MAP2K5: variants seen among roughly 807,000 people sequenced by gnomAD.
MAP2K5 encodes the protein dual specificity mitogen-activated protein kinase kinase 5.
MAP2K5 carries 49 observed loss-of-function variants against 83.1 expected under a neutral mutation model. That is an observed-to-expected ratio of 0.59 (90% CI 0.47 to 0.75). The LOEUF (loss-of-function observed/expected upper bound fraction) is 0.75, where lower values mean the gene tolerates loss of function less well. Among genes scored for constraint, MAP2K5 ranks in the 30% least tolerant of loss-of-function variants. The pLI is 0.00. For synonymous variants in MAP2K5, 202 were observed against 191.8 expected (o/e 1.05, Z -0.44); for missense variants, 457 against 557.5 (o/e 0.82, Z 1.82).
rs1339096422 is a variant in MAP2K5 at position 67,768,591 on chromosome 15, T to C, written c.1135-1011T>C. Among the ~76,000 whole-genome samples, 2 of 152,228 alleles carry C rather than the reference T, an allele frequency of 1.3e-5. No homozygotes were observed. The highest frequency in any genetic ancestry group is 1.9e-4 in the East Asian group (1 of 5,200). ...CTTTGTTAATTTAAATAGGTGCATG[T>C]ATCATACTTTGCAGGGCACTTTGTG... On this transcript the variant is annotated intron_variant, in intron 19 of 21. Transcript: ENST00000178640. The surrounding 1 kb of genome is among the most constrained non-coding windows in gnomAD (Gnocchi z 4.0).
At chr15:67,694,381 C>A (rs987878821) in intron 15 of MAP2K5, among the ~76,000 whole-genome samples, 2 of 151,898 alleles carry the variant, frequency 1.3e-5, no homozygotes, top group African/African-American at 2.4e-5. Flanking sequence ...TCTCTAATAG[C>A]CTTTGTTAAT....
At chr15:67,672,279 A>G (rs1189241947) in intron 13 of MAP2K5, among the ~76,000 whole-genome samples, 17 of 151,638 alleles carry the variant, frequency 1.1e-4, no homozygotes, top group Non-Finnish European at 2.1e-4. Context: ...AGTCCCACCA[A>G]CAGTGTAAAA....
intron 21 of MAP2K5, among the ~76,000 whole-genome samples, chr15:67,800,978 A>G (rs1483977011): frequency 1.3e-5 from 2 of 152,186 alleles, no homozygotes; most frequent in African/African-American, 4.8e-5. Flanking sequence ...ACCATAGTTG[A>G]GTGTATGTTA....
intron 8 of MAP2K5, among the ~76,000 whole-genome samples, chr15:67,627,104 A>T (rs535389920): frequency 6.6e-6 from 1 of 152,022 alleles, no homozygotes; most frequent in Non-Finnish European, 1.5e-5. Flanking sequence ...ACGCACCACG[A>T]TGCCAGGTAA....
chr15:67,588,817 A>G (rs2085337390), intron 6 of MAP2K5, among the ~76,000 whole-genome samples: 1 of 151,776 alleles, frequency 6.6e-6, no homozygotes, highest in Non-Finnish European at 1.5e-5. Flanking sequence ...AAATGTTTTT[A>G]TTTTATTACT....
At chr15:67,605,001 A>G (rs1158461199) in intron 8 of MAP2K5, among the ~76,000 whole-genome samples, 2 of 152,144 alleles carry the variant, frequency 1.3e-5, no homozygotes, top group Non-Finnish European at 2.9e-5. Context: ...AGTACTAATA[A>G]TAGAAAAATT....
intron 1 of MAP2K5, among the ~76,000 whole-genome samples, chr15:67,547,077 AACACAC>A (rs59269114): frequency 6.0e-4 from 86 of 144,192 alleles, no homozygotes; most frequent in African/African-American, 1.9e-3. Flanking sequence ...AAAAGAAGAA[AACACAC>A]ACACACACAC....
At chr15:67,743,190 G>A (rs1394484032) in intron 17 of MAP2K5, among the ~76,000 whole-genome samples, 1 of 152,214 alleles carries the variant, frequency 6.6e-6, no homozygotes, top group African/African-American at 2.4e-5. Context: ...CAGCACCCCA[G>A]CTGGAGTCTG....
intron 17 of MAP2K5, among the ~76,000 whole-genome samples, chr15:67,731,496 C>T (rs74020414): frequency 0.036 from 5,518 of 152,138 alleles, 298 homozygotes; most frequent in African/African-American, 0.12. Context: ...CCTTGGCATG[C>T]AGTTTAGGGT....
chr15:67,626,708 G>C (rs2086332297), intron 8 of MAP2K5, among the ~76,000 whole-genome samples: 1 of 151,436 alleles, frequency 6.6e-6, no homozygotes, highest in African/African-American at 2.4e-5. Context: ...AGACCAACTT[G>C]GGCAACATGG....
intron 7 of MAP2K5, among the ~76,000 whole-genome samples, chr15:67,598,590 C>T (rs1179395676): frequency 2.0e-5 from 3 of 152,170 alleles, no homozygotes; most frequent in Non-Finnish European, 4.4e-5. Flanking sequence ...GGTTGGAGTG[C>T]TGGGAATGTG....
Position 67,724,398 on chromosome 15 carries a change from T to C in MAP2K5, c.1045-3518T>C, listed in dbSNP as rs563700913. ...GAGAACTCGTTCTTTTTTATTTATT[T>C]ATTTATTTATTTTTTGAGTTAGGGT... On this transcript the variant is annotated intron_variant, in intron 16 of 21. Transcript: ENST00000178640. This position sits in a 1 kb window ranked among gnomAD's most constrained non-coding sequence, Gnocchi z 4.4. 1.3e-5 allele frequency among the ~76,000 whole-genome samples: 2 copies of C among 152,164 alleles called. No homozygotes were observed. The highest frequency in any genetic ancestry group is 4.2e-4 in the South Asian group (2 of 4,818).
At position 67,736,342 on chromosome 15, in the gene MAP2K5, G is replaced by T. The variant is rs2089341460; in HGVS notation, c.1074+8397G>T. Among the ~76,000 whole-genome samples, 1 of 152,214 alleles carries T rather than the reference G, an allele frequency of 6.6e-6. No homozygotes were observed. Among genetic ancestry groups the T allele is most frequent in the Admixed American group, 6.5e-5 (1 of 15,290 alleles). ...TTCCCTGCCACCCTTTATGAATTTG[G>T]CTTGGTATATCACGGCATTTTCTAG... On this transcript the variant is annotated intron_variant, in intron 17 of 21. Coordinates refer to ENST00000178640, the MANE Select transcript of MAP2K5 (RefSeq NM_145160.3). The surrounding 1 kb of genome is among the most constrained non-coding windows in gnomAD (Gnocchi z 4.3).
chr15:67,550,073 G>T lies in MAP2K5; in HGVS notation c.175G>T (p.Ala59Ser). 6.2e-7 allele frequency: 1 copy of T among 1,613,444 alleles called. No individual in the cohort carries two copies. The highest frequency in any genetic ancestry group is 8.5e-7 in the Non-Finnish European group (1 of 1,179,508). Residue 59 changes from alanine (A) to serine (S), a missense_variant, in exon 2 of 22, where the codon GCA becomes TCA. Ala to Ser is a moderately conservative substitution (Grantham distance 99). Coordinates refer to ENST00000178640, the MANE Select transcript of MAP2K5 (RefSeq NM_145160.3). ...GGTTCTGCCTGAAGCAACAACTACA[G>T]CATTTGAATGTAAGTCTGGCTTGTA... ...GQVLPEATTTAFEYEDEDGDR... is the reference protein window; with the variant it reads ...GQVLPEATTTSFEYEDEDGDR...
chr15:67,696,589 A>G (rs551837874), intron 15 of MAP2K5, among the ~76,000 whole-genome samples: 1 of 152,176 alleles, frequency 6.6e-6, no homozygotes, highest in Non-Finnish European at 1.5e-5. Context: ...TCTATAATGT[A>G]GATAAGACTT....
In MAP2K5 at chr15:67,543,118, C is replaced by A. The variant is rs1022508548; in HGVS notation, c.-218C>A. The stretch of plus-strand genomic sequence containing the variant: ...TGCCCGCTTCCCGGTGCACCCTCCC[C>A]GGGAGACACCTCAGACCCCCGACAG... On this transcript the variant is annotated 5_prime_UTR_variant, in exon 1 of 22. Transcript: ENST00000178640. The surrounding 1 kb of genome is among the most constrained non-coding windows in gnomAD (Gnocchi z 4.3). The A allele has an allele frequency of 1.7e-6, 1 of 580,900 alleles. No individual in the cohort carries two copies. Among genetic ancestry groups the A allele is most frequent in the East Asian group, 2.9e-5 (1 of 34,976 alleles). 36.0% of individuals were successfully genotyped at this position (580,900 alleles called of 1,614,324 possible).
intron 16 of MAP2K5, among the ~76,000 whole-genome samples, chr15:67,703,663 C>T (rs2088476305): frequency 1.3e-5 from 2 of 152,122 alleles, no homozygotes; most frequent in Non-Finnish European, 2.9e-5. Flanking sequence ...ACAGATTCTT[C>T]AACCCCGTTC....
intron 15 of MAP2K5, among the ~76,000 whole-genome samples, chr15:67,699,300 G>A (rs1461563437): frequency 1.3e-5 from 2 of 152,042 alleles, no homozygotes; most frequent in Non-Finnish European, 2.9e-5. Flanking sequence ...GGCAAGAGGG[G>A]CAGCAGCCAA....
intron 21 of MAP2K5, among the ~76,000 whole-genome samples, chr15:67,798,722 A>G (rs886277048): frequency 2.6e-5 from 4 of 152,196 alleles, no homozygotes; most frequent in Non-Finnish European, 5.9e-5. Flanking sequence ...ATATTTGGGG[A>G]AAAACATCTA....
Sources: allele counts gnomAD v4.1 joint callset (sites outside exome capture counted in the v4.1 genomes callset), GRCh38; gene constraint gnomAD v4.1.1; non-coding constraint Gnocchi (gnomAD v3.1); transcripts MANE v1.5; gene names NCBI Gene and HGNC (gene_info 2026-07-23, HGNC 2026-07-21).